KIAA1328: variants seen among roughly 807,000 people sequenced by gnomAD.
KIAA1328 encodes KIAA1328.
KIAA1328 carries 52 observed loss-of-function variants against 68.1 expected under a neutral mutation model. The observed-to-expected ratio is 0.76, with a 90% CI of 0.61 to 0.96. The LOEUF (loss-of-function observed/expected upper bound fraction) is 0.96. Ranked by LOEUF, KIAA1328 falls within the 40% of genes least tolerant of loss-of-function variation. The probability of loss-of-function intolerance (pLI) is 0.00; values close to 1 mark genes in which losing one functional copy is unlikely to be tolerated. For missense variants in KIAA1328, 641 were observed against 677.6 expected (o/e 0.95, Z 0.60); for synonymous variants, 232 against 239.4 (o/e 0.97, Z 0.28).
chr18:37,225,789 C>G (rs2060632419), downstream of KIAA1328, among the ~76,000 whole-genome samples: 2 of 152,210 alleles, frequency 1.3e-5, no homozygotes, highest in African/African-American at 4.8e-5. Context: ...TCAACTCAGA[C>G]AGAGACCCTG....
At chr18:36,969,949 T>A (rs916964165) in intron 6 of KIAA1328, among the ~76,000 whole-genome samples, 2 of 152,162 alleles carry the variant, frequency 1.3e-5, no homozygotes, top group African/African-American at 4.8e-5. Flanking sequence ...CCTCCCTAAC[T>A]CATTTTGTGA....
intron 6 of KIAA1328, among the ~76,000 whole-genome samples, chr18:36,997,060 T>C (rs2053418963): frequency 6.6e-6 from 1 of 152,100 alleles, no homozygotes; most frequent in Admixed American, 6.6e-5. Flanking sequence ...ACTACTTGCC[T>C]CTTACTAGGT....
intron 8 of KIAA1328, among the ~76,000 whole-genome samples, chr18:37,162,354 T>C (rs1415027729): frequency 1.3e-5 from 2 of 152,298 alleles, no homozygotes; most frequent in East Asian, 1.9e-4. Context: ...CTACTGACTT[T>C]CTTTTCTACT....
intron 9 of KIAA1328, among the ~76,000 whole-genome samples, chr18:37,220,993 A>T (rs2154225805): frequency 6.6e-6 from 1 of 152,112 alleles, no homozygotes; most frequent in African/African-American, 2.4e-5. Flanking sequence ...TGCCCGCCTA[A>T]TTTTTGTATT....
chr18:36,887,850 AT>A (rs2048552382), intron 5 of KIAA1328, among the ~76,000 whole-genome samples: 1 of 152,206 alleles, frequency 6.6e-6, no homozygotes, highest in African/African-American at 2.4e-5. Context: ...AAAAAAATCT[AT>A]AGCATACAGT....
intron 6 of KIAA1328, among the ~76,000 whole-genome samples, chr18:37,056,305 G>A (rs2055904536): frequency 6.6e-6 from 1 of 151,766 alleles, no homozygotes; most frequent in South Asian, 2.1e-4. Context: ...TTAAAACATT[G>A]TATTTTTAAA....
At chr18:37,044,328 TC>T (rs1475885270) in intron 6 of KIAA1328, among the ~76,000 whole-genome samples, 1 of 152,188 alleles carries the variant, frequency 6.6e-6, no homozygotes, top group East Asian at 1.9e-4. Context: ...ATGGATCCTA[TC>T]CGTCATCTCC....
intron 4 of KIAA1328, among the ~76,000 whole-genome samples, chr18:36,882,129 T>G (rs1313188949): frequency 1.3e-5 from 2 of 152,224 alleles, no homozygotes; most frequent in African/African-American, 4.8e-5. Context: ...TTATTAACAG[T>G]TTAAAACTTA....
intron 6 of KIAA1328, among the ~76,000 whole-genome samples, chr18:37,045,374 T>C (rs1458967274): frequency 6.6e-6 from 1 of 152,176 alleles, no homozygotes; most frequent in East Asian, 1.9e-4. Flanking sequence ...TGATTTACAT[T>C]TAAGGTCTTT....
At chr18:36,882,727 C>A (rs2048364004) in intron 4 of KIAA1328, among the ~76,000 whole-genome samples, 1 of 152,172 alleles carries the variant, frequency 6.6e-6, no homozygotes, top group Non-Finnish European at 1.5e-5. Context: ...ATCATTTTAT[C>A]TGGATAGAAT....
At chr18:36,884,343 A>G (rs922572328) in intron 4 of KIAA1328, among the ~76,000 whole-genome samples, 1 of 152,048 alleles carries the variant, frequency 6.6e-6, no homozygotes, top group Admixed American at 6.5e-5. Flanking sequence ...GCCTAGTGGT[A>G]TGCTAAACAT....
At chr18:37,095,780 CAAAT>C (rs2057387869) in intron 7 of KIAA1328, among the ~76,000 whole-genome samples, 1 of 151,876 alleles carries the variant, frequency 6.6e-6, no homozygotes, top group Non-Finnish European at 1.5e-5. Context: ...AAAGAAGACC[CAAAT>C]AAATAAAATC....
Position 36,848,876 on chromosome 18 carries a change from T to C in KIAA1328, c.332+4574T>C, listed in dbSNP as rs145310142. Among the ~76,000 whole-genome samples the C allele has an allele frequency of 2.9e-3, 442 of 151,852 alleles. 1 individual carries two copies. The highest frequency in any genetic ancestry group is 0.017 in the Middle Eastern group (5 of 294). On this transcript the variant is annotated intron_variant, in intron 4 of 9. Transcript: ENST00000280020. ...AACTACATTGATTGATTTTTGAATG[T>C]TTAATTTACCTTGTGTTCCTGGCTT...
At chr18:37,161,055 GA>G (rs2059268115) in intron 8 of KIAA1328, among the ~76,000 whole-genome samples, 1 of 152,120 alleles carries the variant, frequency 6.6e-6, no homozygotes, top group South Asian at 2.1e-4. Context: ...TTATTGTACA[GA>G]AAAGATGTAC....
chr18:37,183,679 A>C (rs1415093177), intron 9 of KIAA1328, among the ~76,000 whole-genome samples: 1 of 152,148 alleles, frequency 6.6e-6, no homozygotes, highest in Non-Finnish European at 1.5e-5. Flanking sequence ...AAAGAACTTG[A>C]CTTATCAATT....
At chr18:37,230,796 C>G (rs557352059), downstream of KIAA1328, 1 of 152,328 alleles carries the variant, frequency 6.6e-6, no homozygotes, top group Non-Finnish European at 1.5e-5. Flanking sequence ...TTTCCTCCCG[C>G]TTCAGTCCTA....
chr18:37,098,982 T>A (rs2057508994), intron 7 of KIAA1328, among the ~76,000 whole-genome samples: 1 of 152,192 alleles, frequency 6.6e-6, no homozygotes, highest in Non-Finnish European at 1.5e-5. Context: ...TTTATTAGTC[T>A]TGCTTGTGGT....
intron 6 of KIAA1328, among the ~76,000 whole-genome samples, chr18:37,010,035 T>C (rs968238130): frequency 1.1e-4 from 16 of 152,164 alleles, no homozygotes; most frequent in African/African-American, 3.6e-4. Context: ...TACCATGATA[T>C]AGCTGAGCAA....
At chr18:36,922,956 G>T (rs2049981983) in intron 5 of KIAA1328, among the ~76,000 whole-genome samples, 2 of 151,970 alleles carry the variant, frequency 1.3e-5, no homozygotes, top group Admixed American at 6.6e-5. Context: ...ACAATATATT[G>T]ATACACTTTA....
Sources: allele counts gnomAD v4.1 joint callset (sites outside exome capture counted in the v4.1 genomes callset), GRCh38; gene constraint gnomAD v4.1.1; transcripts MANE v1.5; gene names NCBI Gene and HGNC (gene_info 2026-07-23, HGNC 2026-07-21).